The following LMBRD2 variants were observed in gnomAD, a reference collection of about 807,000 sequenced individuals.
LMBRD2 encodes the protein LMBR1 domain containing 2, also known as G protein-coupled receptor-associated protein LMBRD2.
In LMBRD2, 55 loss-of-function variants were observed where a neutral mutation model predicts 94.4. The observed-to-expected ratio is 0.58, with a 90% CI of 0.47 to 0.73. The LOEUF is 0.73. LMBRD2 is among the 30% of genes least tolerant of loss of function. The pLI, the probability that LMBRD2 is intolerant of heterozygous loss-of-function variation, is 0.00. For missense variants in LMBRD2, 640 were observed against 831.9 expected (o/e 0.77, Z 2.84); for synonymous variants, 246 against 272.4 (o/e 0.90, Z 0.95).
intron 1 of LMBRD2, among the ~76,000 whole-genome samples, chr5:36,150,341 C>T (rs569302032): frequency 3.7e-4 from 57 of 152,222 alleles, no homozygotes; most frequent in African/African-American, 1.3e-3. Context: ...TCGATTAAAC[C>T]TTCCTATCTA....
chr5:36,103,221 A>AT lies in LMBRD2; in HGVS notation c.*824_*825insA, dbSNP rs1743382760. 6.6e-6 allele frequency: 1 copy of AT among 152,256 alleles called. No individual in the cohort carries two copies. The allele number at this position is 152,256 out of a possible 1,614,324, so 9.4% of individuals were successfully genotyped here. A position where few individuals can be genotyped will look rare whatever the true frequency, so the allele number is the denominator to read the frequency against. ...GGACTCTTTGACTACTTAAAAAAAAACTATTTTTCATTAATGCCTAGGATT... is the reference window on the plus strand; with the variant it reads ...GGACTCTTTGACTACTTAAAAAAAAATCTATTTTTCATTAATGCCTAGGATT... On this transcript the variant is annotated 3_prime_UTR_variant, in exon 18 of 18. Transcript: ENST00000296603.
chr5:36,146,943 T>TGTGTGTGTGTGTGTGTGA (rs1744561913), intron 1 of LMBRD2, among the ~76,000 whole-genome samples: 1 of 22,672 alleles, frequency 4.4e-5, no homozygotes, highest in Admixed American at 5.5e-4. Context: ...TGTGTGTGAG[T>TGTGTGTGTGTGTGTGTGA]GTGTGTGTGT....
chr5:36,111,230 C>A lies in LMBRD2; in HGVS notation c.1669G>T (p.Gly557Cys). 6.2e-7 allele frequency: 1 copy of A among 1,611,578 alleles called. No homozygotes were observed. Among genetic ancestry groups the A allele is most frequent in the Non-Finnish European group, 8.5e-7 (1 of 1,178,502 alleles). Residue 557 changes from glycine to cysteine, a missense_variant, in exon 14 of 18, where the codon GGT (glycine) becomes TGT (cysteine). By Grantham distance (159) the Gly-to-Cys change is radical. Around this residue, in one of 2 missense-constraint regions of LMBRD2, gnomAD observed 183 missense variants for 189.1 expected, o/e 0.97. Coordinates refer to ENST00000296603, the MANE Select transcript of LMBRD2 (RefSeq NM_001007527.2). ...TCATCTCCCATAAACTGCTGGAAACCGAGCAGATTCAAACAACGGGTTCCC... is the reference window on the plus strand; with the variant it reads ...TCATCTCCCATAAACTGCTGGAAACAGAGCAGATTCAAACAACGGGTTCCC... ...SLGTRCLNLL[G>C]FQQFMGDDDM...
chr5:36,148,991 G>T (rs1353501254), intron 1 of LMBRD2, among the ~76,000 whole-genome samples: 1 of 152,116 alleles, frequency 6.6e-6, no homozygotes, highest in Non-Finnish European at 1.5e-5. Flanking sequence ...TGATTTAAGG[G>T]TAATATATGA....
chr5:36,123,477 T>C (rs926023271), intron 7 of LMBRD2, among the ~76,000 whole-genome samples: 5 of 151,988 alleles, frequency 3.3e-5, no homozygotes, highest in Non-Finnish European at 7.4e-5. Context: ...GTGAGATAAA[T>C]AGTTAGAAAA....
chr5:36,115,724 A>G (rs1021161973), intron 11 of LMBRD2, among the ~76,000 whole-genome samples: 6 of 151,774 alleles, frequency 4.0e-5, no homozygotes, highest in Non-Finnish European at 7.4e-5. Flanking sequence ...CTACACACAC[A>G]CACACACACA....
intron 9 of LMBRD2, among the ~76,000 whole-genome samples, chr5:36,118,193 A>C (rs1376457750): frequency 6.6e-6 from 1 of 152,190 alleles, no homozygotes; most frequent in East Asian, 1.9e-4. Context: ...AATTTTAAAG[A>C]AACATCAAAG....
intron 4 of LMBRD2, among the ~76,000 whole-genome samples, chr5:36,140,675 T>TTTG (rs1315046602): frequency 2.0e-5 from 3 of 152,084 alleles, no homozygotes; most frequent in African/African-American, 2.4e-5. Context: ...TAAAGATGAT[T>TTTG]TTGTTGTTGT....
rs1342670796 is a variant in LMBRD2, at chr5:36,136,417, G to A, written c.639C>T (p.Tyr213=). 2.5e-5 allele frequency: 40 copies of A among 1,613,744 alleles called. No homozygotes were observed. Among genetic ancestry groups the A allele is most frequent in the Non-Finnish European group, 3.4e-5 (40 of 1,179,902 alleles). The change falls in exon 6 of 18, where the codon TAC becomes TAT. Residue 213 remains tyrosine (Y), a synonymous_variant. Transcript: ENST00000296603. ...GATAACCCCTTTTTGCTCCATTCCAGTATGATCGAGGAATTTCCACCAAGC... is the reference window on the plus strand; with the variant it reads ...GATAACCCCTTTTTGCTCCATTCCAATATGATCGAGGAATTTCCACCAAGC... ...GYGLVEIPRS[Y]WNGAKRGYLL...
In LMBRD2 at chr5:36,150,267, T is replaced by C. The variant is rs367625068; in HGVS notation, c.-58+1289A>G. ...TGTTGCAAGTATTCTAGTTCCCAGGTAACTCCTAGTAAAACCAAGACTGAA... is the reference window on the plus strand; with the variant it reads ...TGTTGCAAGTATTCTAGTTCCCAGGCAACTCCTAGTAAAACCAAGACTGAA... On this transcript the variant is annotated intron_variant, in intron 1 of 17. Coordinates refer to ENST00000296603, the MANE Select transcript of LMBRD2 (RefSeq NM_001007527.2). Among the ~76,000 whole-genome samples the C allele has an allele frequency of 1.2e-3, 181 of 152,336 alleles. 7 individuals are homozygous for C. In the South Asian group the frequency reaches 0.036, roughly 30 times the overall value.
chr5:36,113,491 T>C (rs1743665507), intron 13 of LMBRD2, among the ~76,000 whole-genome samples: 1 of 152,110 alleles, frequency 6.6e-6, no homozygotes, highest in South Asian at 2.1e-4. Flanking sequence ...TGCTACAATT[T>C]GAAGTTATAA....
At chr5:36,125,734 G>A (rs114785849) in intron 6 of LMBRD2, among the ~76,000 whole-genome samples, 1,688 of 152,240 alleles carry the variant, frequency 0.011, 39 homozygotes, top group African/African-American at 0.038. Flanking sequence ...TCCTGTCAAG[G>A]AATTTAGCTT....
At chr5:36,119,679 C>T (rs1743840198) in intron 9 of LMBRD2, among the ~76,000 whole-genome samples, 1 of 152,188 alleles carries the variant, frequency 6.6e-6, no homozygotes, top group African/African-American at 2.4e-5. Flanking sequence ...AGTACTGCCT[C>T]ACTAGCCTAC....
rs1469266853 is a variant in LMBRD2, at chr5:36,137,320, C to T, written c.490G>A (p.Ala164Thr). ...TTTACAGCTACATAAATTAAAAATGCTCCAAAAATCAGCAAATAGGTGCCA... is the reference window on the plus strand; with the variant it reads ...TTTACAGCTACATAAATTAAAAATGTTCCAAAAATCAGCAAATAGGTGCCA... The part of the protein sequence containing the change: ...YYGTYLLIFG[A>T]FLIYVAVNPH... Residue 164 changes from alanine to threonine, a missense_variant, in exon 5 of 18, where the codon GCA (alanine) becomes ACA (threonine). By Grantham distance (58) the Ala-to-Thr change is moderately conservative (BLOSUM62 0). This residue lies in a region of LMBRD2 where 457 missense variants were observed against 642.8 expected (regional missense o/e 0.71). Transcript: ENST00000296603. 1.2e-6 allele frequency: 2 copies of T among 1,601,346 alleles called. No individual in the cohort carries two copies. The highest frequency in any genetic ancestry group is 1.7e-6 in the Non-Finnish European group (2 of 1,171,442).
At chr5:36,138,147 G>A (rs4415106) in intron 4 of LMBRD2, among the ~76,000 whole-genome samples, 45,609 of 152,074 alleles carry the variant, frequency 0.3, 8,573 homozygotes, top group Non-Finnish European at 0.42. Context: ...TTAGGAACTA[G>A]GAGAGGAAAG....
intron 13 of LMBRD2, among the ~76,000 whole-genome samples, chr5:36,113,159 A>G (rs6874169): frequency 0.018 from 2,677 of 152,294 alleles, 71 homozygotes; most frequent in African/African-American, 0.06. Context: ...TGGTAGTTAA[A>G]AATCAACCCC....
At chr5:36,146,521 C>T (rs1744542478) in intron 1 of LMBRD2, among the ~76,000 whole-genome samples, 1 of 152,108 alleles carries the variant, frequency 6.6e-6, no homozygotes, top group African/African-American at 2.4e-5. Flanking sequence ...AGGTGCACAC[C>T]ACCACGCCTG....
chr5:36,112,830 C>T (rs538840772), intron 13 of LMBRD2, among the ~76,000 whole-genome samples: 158 of 152,178 alleles, frequency 1.0e-3, no homozygotes, highest in African/African-American at 3.8e-3. Context: ...AAAATTTATA[C>T]AAGTTCTTAA....
intron 6 of LMBRD2, 83 bp downstream of exon 6, chr5:36,136,226 A>C (rs1744266190): frequency 8.1e-7 from 1 of 1,238,096 alleles, no homozygotes; most frequent in African/African-American, 1.5e-5. Flanking sequence ...TCAATGCACT[A>C]ACAACAACAA....
Sources: allele counts gnomAD v4.1 joint callset (sites outside exome capture counted in the v4.1 genomes callset), GRCh38; gene constraint gnomAD v4.1.1; regional missense constraint gnomAD v4.1.1; transcripts MANE v1.5; gene names NCBI Gene and HGNC (gene_info 2026-07-23, HGNC 2026-07-21).